The following SUMF1 variants were observed in gnomAD, a reference collection of about 807,000 sequenced individuals.
The protein encoded by SUMF1 is formylglycine-generating enzyme.
SUMF1 carries 48 observed loss-of-function variants against 47.6 expected under a neutral mutation model. The observed-to-expected ratio is 1.01, with a 90% CI of 0.80 to 1.28. SUMF1 has a LOEUF of 1.28. Ranked by LOEUF, SUMF1 falls within the 50% of genes most tolerant of loss-of-function variation. The probability of loss-of-function intolerance (pLI) is 0.00; values close to 1 mark genes in which losing one functional copy is unlikely to be tolerated. For missense variants in SUMF1, 571 were observed against 485.4 expected (o/e 1.18, Z -1.66); for synonymous variants, 230 against 192.1 (o/e 1.20, Z -1.63).
At chr3:4,069,946 A>C (rs1695479415) in intron 8 of SUMF1, among the ~76,000 whole-genome samples, 1 of 152,170 alleles carries the variant, frequency 6.6e-6, no homozygotes, top group Non-Finnish European at 1.5e-5. Flanking sequence ...ATCAACTAAG[A>C]GCCAGATACG....
chr3:4,429,861 C>T (rs1296815640), intron 3 of SUMF1, among the ~76,000 whole-genome samples: 1 of 152,182 alleles, frequency 6.6e-6, no homozygotes, highest in Non-Finnish European at 1.5e-5. Flanking sequence ...TCTCATCTCA[C>T]CGGGCAGCAG....
chr3:4,230,404 T>C (rs1696273046), intron 8 of SUMF1, among the ~76,000 whole-genome samples: 1 of 152,128 alleles, frequency 6.6e-6, no homozygotes, highest in African/African-American at 2.4e-5. Flanking sequence ...CCCACCTTTC[T>C]GTTTTGATAA....
intron 8 of SUMF1, among the ~76,000 whole-genome samples, chr3:4,071,978 A>G (rs925423197): frequency 6.6e-6 from 1 of 151,718 alleles, no homozygotes; most frequent in African/African-American, 2.4e-5. Context: ...TGGGTCCCTG[A>G]CCCCTGTGTA....
chr3:4,119,235 T>A (rs144451738), intron 8 of SUMF1, among the ~76,000 whole-genome samples: 1 of 152,264 alleles, frequency 6.6e-6, no homozygotes, highest in African/African-American at 2.4e-5. Flanking sequence ...TTATCATTTA[T>A]CTTCAGATGC....
At chr3:4,397,321 T>C (rs547689571) in intron 7 of SUMF1, among the ~76,000 whole-genome samples, 9 of 152,212 alleles carry the variant, frequency 5.9e-5, no homozygotes, top group Non-Finnish European at 1.3e-4. Flanking sequence ...ACTGAAAGAT[T>C]TGCTCCAGAA....
In SUMF1 at chr3:4,452,985, C is replaced by A; in HGVS notation, c.335G>T (p.Gly112Val). ...AGTAACTCTCCTCGCAGGTGCTTCCCCATCCTGCTTTATCTGAGGATCATC... is the reference window on the plus strand; with the variant it reads ...AGTAACTCTCCTCGCAGGTGCTTCCACATCCTGCTTTATCTGAGGATCATC... ...GTDDPQIKQD[G>V]EAPARRVTID... The change falls in exon 2 of 9, where the codon GGG becomes GTG. Residue 112 changes from glycine (G) to valine (V), a missense_variant. Transcript: ENST00000272902. The A allele has an allele frequency of 6.2e-7, 1 of 1,614,118 alleles. No homozygotes were observed. The highest frequency in any genetic ancestry group is 8.5e-7 in the Non-Finnish European group (1 of 1,180,036).
intron 8 of SUMF1, among the ~76,000 whole-genome samples, chr3:4,281,286 T>C (rs1040320692): frequency 6.6e-6 from 1 of 152,106 alleles, no homozygotes; most frequent in Non-Finnish European, 1.5e-5. Flanking sequence ...AGGAGACTCT[T>C]TGTGATGTTA....
chr3:4,372,847 T>G, intron 8 of SUMF1, among the ~76,000 whole-genome samples: 1 of 152,180 alleles, frequency 6.6e-6, no homozygotes, highest in East Asian at 1.9e-4. Context: ...ACTCTGAAAA[T>G]AATTCACAAC....
At chr3:4,252,161 T>G (rs1427346770) in intron 8 of SUMF1, among the ~76,000 whole-genome samples, 1 of 152,188 alleles carries the variant, frequency 6.6e-6, no homozygotes, top group Non-Finnish European at 1.5e-5. Flanking sequence ...CAATGGTTTC[T>G]GAGAACAATT....
chr3:4,186,277 T>C (rs142780192), intron 8 of SUMF1, among the ~76,000 whole-genome samples: 39 of 152,156 alleles, frequency 2.6e-4, no homozygotes, highest in African/African-American at 8.2e-4. Flanking sequence ...CACCCCCAAA[T>C]TGGGCATAAT....
chr3:4,294,217 T>G (rs2322680), intron 8 of SUMF1, among the ~76,000 whole-genome samples: 50,783 of 151,962 alleles, frequency 0.33, 9,461 homozygotes, highest in Non-Finnish European at 0.43. Context: ...AAATCAAATT[T>G]AATTAAAATT....
intron 8 of SUMF1, chr3:4,313,746 G>C (rs1241698463): frequency 6.2e-7 from 1 of 1,614,006 alleles, no homozygotes; most frequent in South Asian, 1.1e-5. Flanking sequence ...CCTCCTGCAA[G>C]CGATTGACCC....
intron 8 of SUMF1, among the ~76,000 whole-genome samples, chr3:4,211,199 C>CATATATATATATAT (rs3046224): frequency 0.03 from 2,556 of 84,446 alleles, 173 homozygotes; most frequent in Non-Finnish European, 0.037. Flanking sequence ...CATATACATA[C>CATATATATATATAT]ATACATATAT....
chr3:4,284,942 T>C (rs1160395138), intron 8 of SUMF1, among the ~76,000 whole-genome samples: 1 of 152,214 alleles, frequency 6.6e-6, no homozygotes. Context: ...ACTTACTTTA[T>C]GGAAGATTTG....
intron 8 of SUMF1, among the ~76,000 whole-genome samples, chr3:4,102,058 T>C (rs1574883750): frequency 6.6e-6 from 1 of 152,126 alleles, no homozygotes; most frequent in East Asian, 1.9e-4. Flanking sequence ...AACAGCACCA[T>C]GGGGGTAACT....
intron 1 of SUMF1, among the ~76,000 whole-genome samples, chr3:4,466,043 T>TA (rs1250921311): frequency 6.6e-6 from 1 of 152,146 alleles, no homozygotes; most frequent in African/African-American, 2.4e-5. Flanking sequence ...TTTAGACCCA[T>TA]AAGTTGTTTC....
intron 8 of SUMF1, among the ~76,000 whole-genome samples, chr3:4,245,689 C>A (rs1422374684): frequency 6.6e-6 from 1 of 152,182 alleles, no homozygotes; most frequent in Non-Finnish European, 1.5e-5. Context: ...TCAGGCTACG[C>A]AAGGGTCAGG....
rs1239561783 is a variant in SUMF1 at position 4,320,829 on chromosome 3, C to T, written c.1014+55501G>A. On this transcript the variant is annotated intron_variant and NMD_transcript_variant, in intron 8 of 12. Transcript: ENST00000448413. ...AACTTCCCTCAGTCAGAGAAGGGAACTTCAGGAGAGCCCCTCCCTGCACTT... is the reference window on the plus strand; with the variant it reads ...AACTTCCCTCAGTCAGAGAAGGGAATTTCAGGAGAGCCCCTCCCTGCACTT... Among the ~76,000 whole-genome samples, 3 of 152,138 alleles carry T rather than the reference C, an allele frequency of 2.0e-5. No homozygotes were observed. In the East Asian group the frequency reaches 5.8e-4, roughly 29 times the overall value.
downstream of SUMF1, among the ~76,000 whole-genome samples, chr3:4,357,004 G>A (rs1699633994): frequency 6.6e-6 from 1 of 152,180 alleles, no homozygotes; most frequent in African/African-American, 2.4e-5. Context: ...AAAACTGAGT[G>A]CAGATAAAGA....
Sources: allele counts gnomAD v4.1 joint callset (sites outside exome capture counted in the v4.1 genomes callset), GRCh38; gene constraint gnomAD v4.1.1; transcripts MANE v1.5; gene names NCBI Gene and HGNC (gene_info 2026-07-23, HGNC 2026-07-21).